The following NEK1 variants were observed in gnomAD, a reference collection of about 807,000 sequenced individuals.
NEK1 encodes NIMA related kinase 1, also known as serine/threonine-protein kinase Nek1.
NEK1 carries 137 observed loss-of-function variants against 182.1 expected under a neutral mutation model. That is an observed-to-expected ratio of 0.75 (90% confidence interval 0.65 to 0.87). The LOEUF is 0.87. NEK1 is among the 40% of genes least tolerant of loss of function. NEK1 has a pLI of 0.00. For synonymous variants in NEK1, 513 were observed against 492.2 expected (o/e 1.04, Z -0.56); for missense variants, 1,391 against 1,494.4 (o/e 0.93, Z 1.14).
chr4:169,497,640 T>C (rs979828475), intron 23 of NEK1, among the ~76,000 whole-genome samples: 9 of 152,238 alleles, frequency 5.9e-5, no homozygotes, highest in Admixed American at 5.9e-4. Flanking sequence ...ATATCTTTAT[T>C]TCTGCCTTCA....
chr4:169,601,704 A>G (rs1770514627), intron 4 of NEK1, among the ~76,000 whole-genome samples: 1 of 152,160 alleles, frequency 6.6e-6, no homozygotes, highest in Non-Finnish European at 1.5e-5. Context: ...AATAACAGCC[A>G]GTATTAAATT....
At chr4:169,394,577 T>C in intron 35 of NEK1, 54 bp from the exon 36 acceptor site, 3 of 1,101,760 alleles carry the variant, frequency 2.7e-6, no homozygotes, top group African/African-American at 3.3e-5. Context: ...GTATCTACTT[T>C]AAAAAAAACC....
At chr4:169,528,345 G>T (rs1757189403) in intron 19 of NEK1, among the ~76,000 whole-genome samples, 1 of 152,166 alleles carries the variant, frequency 6.6e-6, no homozygotes, top group African/African-American at 2.4e-5. Flanking sequence ...CTCTACAAAT[G>T]CAGGTGGCCC....
intron 28 of NEK1, among the ~76,000 whole-genome samples, chr4:169,437,787 C>T (rs140819435): frequency 3.9e-5 from 6 of 152,270 alleles, no homozygotes; most frequent in African/African-American, 1.4e-4. Context: ...CCAACACTTA[C>T]TGATCTCTGA....
At chr4:169,405,573 T>C (rs890970207) in intron 32 of NEK1, among the ~76,000 whole-genome samples, 13 of 152,156 alleles carry the variant, frequency 8.5e-5, no homozygotes, top group Admixed American at 3.3e-4. Flanking sequence ...AGTGGAAAGA[T>C]TGCTTGAGTC....
chr4:169,462,799 C>T (rs1744211230), intron 27 of NEK1, among the ~76,000 whole-genome samples: 1 of 152,138 alleles, frequency 6.6e-6, no homozygotes, highest in Non-Finnish European at 1.5e-5. Flanking sequence ...CCAAAGGCCA[C>T]AAAACTTATG....
At chr4:169,448,315 G>C (rs955177489) in intron 27 of NEK1, among the ~76,000 whole-genome samples, 5 of 152,148 alleles carry the variant, frequency 3.3e-5, no homozygotes, top group African/African-American at 9.7e-5. Flanking sequence ...CAAAGTTAGA[G>C]TCTTTATTAG....
intron 19 of NEK1, among the ~76,000 whole-genome samples, chr4:169,535,821 A>G (rs1329027627): frequency 6.6e-6 from 1 of 150,558 alleles, no homozygotes; most frequent in Non-Finnish European, 1.5e-5. Flanking sequence ...CGGAGGTTGC[A>G]GTGAGCCGAG....
chr4:169,467,100 T>C (rs72691070), intron 26 of NEK1, among the ~76,000 whole-genome samples: 7,237 of 152,068 alleles, frequency 0.048, 172 homozygotes, highest in Non-Finnish European at 0.055. Context: ...TATTTTCTCA[T>C]TCTTATCATT....
intron 5 of NEK1, among the ~76,000 whole-genome samples, chr4:169,592,069 T>A (rs1461907424): frequency 1.3e-5 from 2 of 152,136 alleles, no homozygotes; most frequent in East Asian, 3.8e-4. Flanking sequence ...CTATATTATC[T>A]TGCTTAAAAT....
chr4:169,442,331 T>C (rs1223011688), intron 27 of NEK1, among the ~76,000 whole-genome samples: 1 of 152,092 alleles, frequency 6.6e-6, no homozygotes, highest in Non-Finnish European at 1.5e-5. Context: ...CAGATACCAC[T>C]GACACTGATT....
chr4:169,403,217 T>C (rs1731982713), intron 32 of NEK1, among the ~76,000 whole-genome samples: 1 of 152,060 alleles, frequency 6.6e-6, no homozygotes, highest in South Asian at 2.1e-4. Context: ...AATGAGAAAA[T>C]AGTGTCTAAT....
intron 18 of NEK1, among the ~76,000 whole-genome samples, chr4:169,553,128 A>G (rs753948502): frequency 2.1e-4 from 32 of 152,216 alleles, no homozygotes; most frequent in Non-Finnish European, 3.8e-4. Context: ...GTATTGAAGA[A>G]CAAAGCTGGA....
intron 23 of NEK1, among the ~76,000 whole-genome samples, chr4:169,494,611 C>G (rs1428524561): frequency 1.3e-5 from 2 of 152,096 alleles, no homozygotes; most frequent in Non-Finnish European, 2.9e-5. Flanking sequence ...GGGTACATAC[C>G]CAGTAATGGG....
intron 19 of NEK1, among the ~76,000 whole-genome samples, chr4:169,528,568 C>T (rs944242705): frequency 2.6e-5 from 4 of 152,174 alleles, no homozygotes; most frequent in African/African-American, 9.7e-5. Flanking sequence ...TGTGTCCAGA[C>T]TCCTAATCCA....
In NEK1 at chr4:169,602,000, T is replaced by G. The variant is rs999056065; in HGVS notation, c.214+8A>C. On this transcript the variant is annotated splice_region_variant and intron_variant, in intron 4 of 35. Transcript: ENST00000507142. ...GATTTTTTAACTCTCTCGCATAATT[T>G]ATCTGACCTTCAAATGATTCTCTAT... 3.8e-6 allele frequency: 6 copies of G among 1,589,404 alleles called. No individual in the cohort carries two copies. The African/African-American group carries it at 8.1e-5, about 21-fold the overall frequency.
chr4:169,557,400 G>T (rs956125412), intron 16 of NEK1, among the ~76,000 whole-genome samples: 1 of 152,020 alleles, frequency 6.6e-6, no homozygotes, highest in African/African-American at 2.4e-5. Flanking sequence ...TAATGCTACA[G>T]AAGTCATGGT....
rs1730303214 is a variant in NEK1, at chr4:169,393,981, A to C, written c.*529T>G. On this transcript the variant is annotated 3_prime_UTR_variant, in exon 36 of 36. Transcript: ENST00000507142. ...GATTGTAAAAGGACTTGAGAATATA[A>C]ACTTTAAGGCTAAAAATTTCATCTT... is the stretch of plus-strand genomic sequence containing the variant. The C allele has an allele frequency of 6.6e-6, 1 of 152,324 alleles. No individual in the cohort carries two copies. Among genetic ancestry groups the C allele is most frequent in the Non-Finnish European group, 1.5e-5 (1 of 68,116 alleles). The allele number at this position is 152,324 out of a possible 1,614,324, so 9.4% of individuals were successfully genotyped here. A position where few individuals can be genotyped will look rare whatever the true frequency, so the allele number is the denominator to read the frequency against.
chr4:169,501,425 A>C (rs1222011032), intron 23 of NEK1, among the ~76,000 whole-genome samples: 2 of 152,202 alleles, frequency 1.3e-5, no homozygotes, highest in Non-Finnish European at 2.9e-5. Flanking sequence ...AGAACACTCC[A>C]CCAAACAACC....
Sources: allele counts gnomAD v4.1 joint callset (sites outside exome capture counted in the v4.1 genomes callset), GRCh38; gene constraint gnomAD v4.1.1; transcripts MANE v1.5; gene names NCBI Gene and HGNC (gene_info 2026-07-23, HGNC 2026-07-21).